The following CALN1 variants were observed in gnomAD, a reference collection of about 807,000 sequenced individuals.
The protein encoded by CALN1 is calneuron 1, also known as calcium-binding protein 8.
CALN1 carries 17 observed loss-of-function variants against 30.6 expected under a neutral mutation model. That is an observed-to-expected ratio of 0.56 (90% CI 0.38 to 0.83). CALN1 has a LOEUF of 0.83. Ranked by LOEUF, CALN1 falls within the 40% of genes least tolerant of loss-of-function variation. CALN1 has a pLI of 0.00. For synonymous variants in CALN1, 156 were observed against 131.4 expected (o/e 1.19, Z -1.28); for missense variants, 291 against 354.9 (o/e 0.82, Z 1.45).
chr7:71,953,805 G>T (rs1796819051), intron 5 of CALN1, among the ~76,000 whole-genome samples: 1 of 152,018 alleles, frequency 6.6e-6, no homozygotes, highest in Non-Finnish European at 1.5e-5. Context: ...CTCTGATGGG[G>T]CTGGGCTGAT....
At chr7:72,205,289 G>A (rs146040595) in intron 3 of CALN1, among the ~76,000 whole-genome samples, 3,613 of 151,156 alleles carry the variant, frequency 0.024, 143 homozygotes, top group African/African-American at 0.082. Context: ...CGCAACCTCC[G>A]CCTCCCAGGC....
chr7:72,330,436 C>A (rs1801587153), intron 2 of CALN1, among the ~76,000 whole-genome samples: 1 of 148,364 alleles, frequency 6.7e-6, no homozygotes, highest in Non-Finnish European at 1.5e-5. Context: ...CCACTGCACT[C>A]CAGCCTGGGC....
chr7:72,399,476 G>T (rs1162161346), intron 2 of CALN1, among the ~76,000 whole-genome samples: 1 of 151,770 alleles, frequency 6.6e-6, no homozygotes, highest in Non-Finnish European at 1.5e-5. Flanking sequence ...TCACCATGTT[G>T]GCCAAGATGG....
chr7:72,362,364 A>G (rs1320385869), intron 2 of CALN1, among the ~76,000 whole-genome samples: 1 of 152,180 alleles, frequency 6.6e-6, no homozygotes, highest in Non-Finnish European at 1.5e-5. Context: ...CATATTTCTC[A>G]AGTCTGTTGA....
chr7:71,895,938 A>G (rs1793507883), intron 5 of CALN1, among the ~76,000 whole-genome samples: 1 of 152,158 alleles, frequency 6.6e-6, no homozygotes, highest in Non-Finnish European at 1.5e-5. Context: ...CCAAATGTCA[A>G]TTGTTAATAA....
At chr7:72,494,890 T>G in the CALN1 span, among the ~76,000 whole-genome samples, 10 of 151,876 alleles carry the variant, frequency 6.6e-5, no homozygotes, top group South Asian at 4.2e-4. Context: ...ATAATAATAA[T>G]AAGATTGTTC....
chr7:71,937,376 A>G (rs1332548481), intron 5 of CALN1, among the ~76,000 whole-genome samples: 1 of 151,926 alleles, frequency 6.6e-6, no homozygotes, highest in African/African-American at 2.4e-5. Flanking sequence ...GTAGATACAC[A>G]TATAAATATG....
At position 72,057,561 on chromosome 7, in the gene CALN1, G is replaced by A. The variant is rs370865622; in HGVS notation, c.389-33792C>T. Among the ~76,000 whole-genome samples the A allele has an allele frequency of 5.3e-5, 8 of 151,606 alleles. No homozygotes were observed. In the East Asian group the frequency reaches 5.8e-4, roughly 11 times the overall value. ...ATAGGAAATGAAAAATCAACCCATCGCCCAGAAGTAACATACGTGTATTTT... is the reference window on the plus strand; with the variant it reads ...ATAGGAAATGAAAAATCAACCCATCACCCAGAAGTAACATACGTGTATTTT... On this transcript the variant is annotated intron_variant, in intron 4 of 6. Coordinates refer to ENST00000395275, the MANE Select transcript of CALN1 (RefSeq NM_031468.4).
intron 2 of CALN1, among the ~76,000 whole-genome samples, chr7:72,365,067 G>A (rs1254260198): frequency 6.6e-6 from 1 of 152,084 alleles, no homozygotes; most frequent in Non-Finnish European, 1.5e-5. Flanking sequence ...CACTTTGGGA[G>A]GCCAAGGCAG....
chr7:71,914,275 C>G (rs4717619), intron 5 of CALN1, among the ~76,000 whole-genome samples: 48,997 of 151,996 alleles, frequency 0.32, 9,184 homozygotes, highest in East Asian at 0.53. Flanking sequence ...TCATCATTTA[C>G]CTCCCACTTA....
intron 1 of CALN1, among the ~76,000 whole-genome samples, chr7:72,439,839 AGTGCT>A (rs1450395699): frequency 6.6e-6 from 1 of 151,996 alleles, no homozygotes; most frequent in African/African-American, 2.4e-5. Flanking sequence ...GGCCTCCCAA[AGTGCT>A]GGGATTACAG....
At chr7:71,827,440 G>T (rs867659960) in intron 5 of CALN1, among the ~76,000 whole-genome samples, 1 of 152,164 alleles carries the variant, frequency 6.6e-6, no homozygotes, top group African/African-American at 2.4e-5. Flanking sequence ...ACACAGTGGA[G>T]TTCAAAGAGG....
At chr7:72,354,531 A>G (rs998111126) in intron 2 of CALN1, among the ~76,000 whole-genome samples, 8 of 152,184 alleles carry the variant, frequency 5.3e-5, no homozygotes, top group Admixed American at 1.3e-4. Context: ...TTTCTTTCCA[A>G]CTGATTTCAA....
At chr7:72,234,605 C>T (rs1453630526) in intron 3 of CALN1, among the ~76,000 whole-genome samples, 1 of 152,130 alleles carries the variant, frequency 6.6e-6, no homozygotes, top group Non-Finnish European at 1.5e-5. Context: ...CACCACCACA[C>T]GCAGCTAATT....
chr7:72,158,348 T>A (rs557067903), intron 3 of CALN1, among the ~76,000 whole-genome samples: 1 of 151,706 alleles, frequency 6.6e-6, no homozygotes, highest in African/African-American at 2.4e-5. Context: ...AGAGAAAGAG[T>A]AGGAGGCCCT....
chr7:72,211,919 C>A (rs2129548276), intron 3 of CALN1, among the ~76,000 whole-genome samples: 1 of 152,200 alleles, frequency 6.6e-6, no homozygotes, highest in Admixed American at 6.5e-5. Flanking sequence ...GTTTTCTGGC[C>A]CACATTAAAA....
At chr7:71,896,866 T>A in intron 5 of CALN1, among the ~76,000 whole-genome samples, 1 of 152,326 alleles carries the variant, frequency 6.6e-6, no homozygotes, top group African/African-American at 2.4e-5. Context: ...CAGAGGAGAA[T>A]GGCGAGATTC....
At chr7:72,323,927 C>A (rs1335386873) in intron 2 of CALN1, among the ~76,000 whole-genome samples, 1 of 151,938 alleles carries the variant, frequency 6.6e-6, no homozygotes, top group Non-Finnish European at 1.5e-5. Flanking sequence ...GTCTATAGTC[C>A]CAGCTACTCG....
At chr7:71,943,296 T>C (rs1433837675) in intron 5 of CALN1, among the ~76,000 whole-genome samples, 2 of 152,188 alleles carry the variant, frequency 1.3e-5, no homozygotes, top group Non-Finnish European at 2.9e-5. Flanking sequence ...ATAGAGTAGA[T>C]ACAGTACTGC....
Sources: allele counts gnomAD v4.1 joint callset (sites outside exome capture counted in the v4.1 genomes callset), GRCh38; gene constraint gnomAD v4.1.1; transcripts MANE v1.5; gene names NCBI Gene and HGNC (gene_info 2026-07-23, HGNC 2026-07-21).